ITSN1: variants seen among roughly 807,000 people sequenced by gnomAD.
The protein encoded by ITSN1 is intersectin 1.
ITSN1 carries 58 observed loss-of-function variants against 239.8 expected under a neutral mutation model. That is an observed-to-expected ratio of 0.24 (90% confidence interval 0.20 to 0.30). The LOEUF (loss-of-function observed/expected upper bound fraction) is 0.30. Among genes scored for constraint, ITSN1 ranks in the 10% least tolerant of loss-of-function variants. ITSN1 has a pLI of 1.00. For synonymous variants in ITSN1, 780 were observed against 770.8 expected (o/e 1.01, Z -0.20); for missense variants, 1,558 against 2,103.3 (o/e 0.74, Z 5.07).
Position 33,897,390 on chromosome 21 carries a change from T to A in ITSN1, c.*9090T>A, listed in dbSNP as rs1221264766. 1 of 152,248 alleles carries A rather than the reference T, an allele frequency of 6.6e-6. No individual in the cohort carries two copies. Among genetic ancestry groups the A allele is most frequent in the African/African-American group, 2.4e-5 (1 of 41,452 alleles). The allele number at this position is 152,248 out of a possible 1,614,324, so 9.4% of individuals were successfully genotyped here. ...CATCAGCTTTGTACCCTCACACGTA[T>A]AGGTGGTGAACTTATGTGTAAATAC... On this transcript the variant is annotated 3_prime_UTR_variant, in exon 40 of 40. Coordinates refer to ENST00000381318, the MANE Select transcript of ITSN1 (RefSeq NM_003024.3).
intron 16 of ITSN1, among the ~76,000 whole-genome samples, chr21:33,789,404 A>G (rs1227424037): frequency 2.6e-5 from 4 of 152,200 alleles, no homozygotes; most frequent in Non-Finnish European, 5.9e-5. Context: ...AAATAATTTT[A>G]TCTTGATTTA....
chr21:33,837,715 C>G (rs942408070), intron 29 of ITSN1: 14 of 985,750 alleles, frequency 1.4e-5, no homozygotes, highest in Non-Finnish European at 1.7e-5. Context: ...GTACGATGCT[C>G]TAATCATATT....
chr21:33,829,952 A>G (rs887530582), intron 27 of ITSN1, among the ~76,000 whole-genome samples: 3 of 152,248 alleles, frequency 2.0e-5, no homozygotes, highest in Non-Finnish European at 4.4e-5. Context: ...CTAGGAGCGC[A>G]TACGAAAACA....
Position 33,761,978 on chromosome 21 carries a change from T to C in ITSN1, c.780T>C (p.Ala260=), listed in dbSNP as rs2068364807. 6.2e-7 allele frequency: 1 copy of C among 1,612,144 alleles called. No individual in the cohort carries two copies. Among genetic ancestry groups the C allele is most frequent in the Non-Finnish European group, 8.5e-7 (1 of 1,178,148 alleles). Residue 260 remains alanine (A), a synonymous_variant, in exon 9 of 40, where the codon GCT becomes GCC. Transcript: ENST00000381318. ...CAAGTTTACCACAGGCTCAGCTGGC[T>C]TCAATATGGTAAGGAATGAAAAGTT... ...MQSSLPQAQL[A]SIWNLSDIDQ...
At chr21:33,733,864 C>T (rs1865972066) in intron 4 of ITSN1, among the ~76,000 whole-genome samples, 1 of 152,182 alleles carries the variant, frequency 6.6e-6, no homozygotes, top group African/African-American at 2.4e-5. Flanking sequence ...TCCTTATTTT[C>T]TAAAATGTGC....
At chr21:33,762,665 CATT>C (rs1432501745) in intron 9 of ITSN1, among the ~76,000 whole-genome samples, 2 of 151,260 alleles carry the variant, frequency 1.3e-5, no homozygotes, top group Admixed American at 6.6e-5. Flanking sequence ...TTTTTTCATT[CATT>C]ATTATTATTA....
chr21:33,735,990 C>T (rs953065854), intron 5 of ITSN1, among the ~76,000 whole-genome samples: 6 of 152,266 alleles, frequency 3.9e-5, no homozygotes, highest in Non-Finnish European at 5.9e-5. Flanking sequence ...AGCAAGACTT[C>T]GTCTCAAAAC....
chr21:33,875,246 A>T, intron 33 of ITSN1, 108 bp from the exon 34 acceptor site: 1 of 1,242,420 alleles, frequency 8.0e-7, no homozygotes. Context: ...GGCGCCGTCC[A>T]TGAAAGGATG....
In ITSN1 at chr21:33,722,531, T is replaced by G. The variant is rs946909757; in HGVS notation, c.122-57T>G. ...TTTGTAATTTTGCTATTACAGGATT[T>G]CTGTCAGCTGTTGTTTTTTTTTTTT... On this transcript the variant is annotated intron_variant, in intron 3 of 39. Coordinates refer to ENST00000381318, the MANE Select transcript of ITSN1 (RefSeq NM_003024.3). 4.6e-6 allele frequency: 7 copies of G among 1,531,992 alleles called. No individual in the cohort carries two copies. The African/African-American group carries it at 9.8e-5, about 22-fold the overall frequency. 94.9% of individuals were successfully genotyped at this position (1,531,992 alleles called of 1,614,324 possible). A position where few individuals can be genotyped will look rare whatever the true frequency, so the allele number is the denominator to read the frequency against.
intron 9 of ITSN1, among the ~76,000 whole-genome samples, chr21:33,765,513 A>T (rs573321934): frequency 6.6e-6 from 1 of 152,262 alleles, no homozygotes; most frequent in Admixed American, 6.5e-5. Flanking sequence ...AGCTGTGATC[A>T]TGACTGCAGT....
intron 11 of ITSN1, among the ~76,000 whole-genome samples, chr21:33,771,050 GC>G (rs2069122521): frequency 6.6e-6 from 1 of 152,156 alleles, no homozygotes; most frequent in African/African-American, 2.4e-5. Context: ...ACAGGTGTGA[GC>G]CACTGCACCC....
At chr21:33,692,862 C>T (rs2091611299) in intron 1 of ITSN1, among the ~76,000 whole-genome samples, 1 of 152,006 alleles carries the variant, frequency 6.6e-6, no homozygotes, top group Non-Finnish European at 1.5e-5. Flanking sequence ...CCTCTGCCTC[C>T]CAGTTCAAGT....
chr21:33,837,239 G>A, intron 29 of ITSN1: 3 of 1,234,312 alleles, frequency 2.4e-6, no homozygotes, highest in Non-Finnish European at 3.0e-6. Flanking sequence ...AACACACAGG[G>A]TAGTGGGTCC....
chr21:33,803,771 A>G (rs1399594007), intron 20 of ITSN1, among the ~76,000 whole-genome samples: 6 of 152,242 alleles, frequency 3.9e-5, no homozygotes, highest in Non-Finnish European at 7.3e-5. Flanking sequence ...AAGGACAAGT[A>G]TATTAGAGAG....
intron 5 of ITSN1, among the ~76,000 whole-genome samples, chr21:33,737,899 T>C (rs2066602090): frequency 6.6e-6 from 1 of 152,092 alleles, no homozygotes; most frequent in South Asian, 2.1e-4. Context: ...TTGAAAATTA[T>C]TGGTTAGGTG....
At position 33,893,287 on chromosome 21, in the gene ITSN1, T is replaced by C. The variant is rs1474666542; in HGVS notation, c.*4987T>C. 1 of 152,224 alleles carries C rather than the reference T, an allele frequency of 6.6e-6. No individual in the cohort carries two copies. Among genetic ancestry groups the C allele is most frequent in the African/African-American group, 2.4e-5 (1 of 41,428 alleles). The allele number at this position is 152,224 out of a possible 1,614,324, so 9.4% of individuals were successfully genotyped here. On this transcript the variant is annotated 3_prime_UTR_variant, in exon 40 of 40. Coordinates refer to ENST00000381318, the MANE Select transcript of ITSN1 (RefSeq NM_003024.3). ...ATTAATGTTGCTTTGTGTGGGGTTC[T>C]TCAGAGAAATAATGCAAACCGGCCA...
chr21:33,848,258 T>C (rs2075044681), intron 29 of ITSN1, among the ~76,000 whole-genome samples: 1 of 152,218 alleles, frequency 6.6e-6, no homozygotes, highest in African/African-American at 2.4e-5. Context: ...TGAGCCCTAA[T>C]TCCATCTGAT....
At position 33,893,652 on chromosome 21, in the gene ITSN1, A is replaced by G. The variant is rs964980921; in HGVS notation, c.*5352A>G. 1 of 152,158 alleles carries G rather than the reference A, an allele frequency of 6.6e-6. No homozygotes were observed. The highest frequency in any genetic ancestry group is 1.5e-5 in the Non-Finnish European group (1 of 68,034). 9.4% of individuals were successfully genotyped at this position (152,158 alleles called of 1,614,324 possible). ...GGTTAGACCTGACACGGAGGAAGTA[A>G]TTGGCTGGTCAACTTAATGGCGCCC... On this transcript the variant is annotated 3_prime_UTR_variant, in exon 40 of 40. Transcript: ENST00000381318.
Position 33,818,461 on chromosome 21 carries a change from G to A in ITSN1, c.2922G>A (p.Arg974=), listed in dbSNP as rs1196545285. The change falls in exon 23 of 40, where the codon AGG becomes AGA. Residue 974 remains arginine (R), a synonymous_variant. Coordinates refer to ENST00000381318, the MANE Select transcript of ITSN1 (RefSeq NM_003024.3). ...SYVKLISGPI[R]KSTSMDSGSS... ...TGAAACTCATTTCAGGGCCCATAAG[G>A]AAGTCTACAAGGTATTTTTGTATTT... 2 of 1,613,750 alleles carry A rather than the reference G, an allele frequency of 1.2e-6. No individual in the cohort carries two copies.
Sources: allele counts gnomAD v4.1 joint callset (sites outside exome capture counted in the v4.1 genomes callset), GRCh38; gene constraint gnomAD v4.1.1; transcripts MANE v1.5; gene names NCBI Gene and HGNC (gene_info 2026-07-23, HGNC 2026-07-21).